The following PHKA1 variants were observed in gnomAD, a reference collection of about 807,000 sequenced individuals.
PHKA1 encodes phosphorylase b kinase regulatory subunit alpha, skeletal muscle isoform.
Under a neutral mutation model 110.2 loss-of-function variants are expected in PHKA1, and 60 were observed. The observed-to-expected ratio is 0.54, with a 90% CI of 0.44 to 0.68. The LOEUF is 0.68. Ranked by LOEUF, PHKA1 falls within the 30% of genes least tolerant of loss-of-function variation. The probability of loss-of-function intolerance (pLI) is 0.00; values close to 1 mark genes in which losing one functional copy is unlikely to be tolerated. For missense variants in PHKA1, 801 were observed against 942.5 expected (o/e 0.85, Z 1.97); for synonymous variants, 316 against 333.6 (o/e 0.95, Z 0.58).
rs782591246 is a variant in PHKA1 at position 72,693,764 on chromosome X, G to A, written c.454+1944C>T. ...GATGTATCTCCTTACCTCCCTCAGA[G>A]AGATACAGTGTCCCTAAACTGGGAA... On this transcript the variant is annotated intron_variant, in intron 4 of 31. Coordinates refer to ENST00000373542, the MANE Select transcript of PHKA1 (RefSeq NM_002637.4). 4.5e-5 allele frequency among the ~76,000 whole-genome samples: 5 copies of A among 111,531 alleles called. No individual in the cohort carries two copies. The South Asian group carries it at 1.9e-3, about 43-fold the overall frequency.
At chrX:72,668,851 C>T (rs145745544) in intron 6 of PHKA1, among the ~76,000 whole-genome samples, 84 of 111,695 alleles carry the variant, frequency 7.5e-4, no homozygotes, top group East Asian at 2.8e-3. Flanking sequence ...AAATCTCATC[C>T]GTGAGTCTGA....
At position 72,691,813 on chromosome X, in the gene PHKA1, G is replaced by A. The variant is rs1014566313; in HGVS notation, c.454+3895C>T. ...ATGTAAGAACGTATCATCTGCAAAT[G>A]GAGATAATTATACTCCTTCATTTAT... On this transcript the variant is annotated intron_variant, in intron 4 of 31. Transcript: ENST00000373542. 3.6e-5 allele frequency among the ~76,000 whole-genome samples: 4 copies of A among 111,951 alleles called. No homozygotes were observed. The East Asian group carries it at 8.3e-4, about 23-fold the overall frequency.
intron 12 of PHKA1, among the ~76,000 whole-genome samples, chrX:72,651,182 T>G (rs1556298908): frequency 2.7e-5 from 3 of 111,771 alleles, no homozygotes; most frequent in Non-Finnish European, 5.6e-5. Flanking sequence ...ATCAGAAATC[T>G]TTTGACTTGA....
At chrX:72,621,854 T>C in intron 18 of PHKA1, 1 of 752,913 alleles carries the variant, frequency 1.3e-6, no homozygotes, top group Non-Finnish European at 1.6e-6. Flanking sequence ...ATACATTCAT[T>C]TTGAGAACAC....
intron 6 of PHKA1, among the ~76,000 whole-genome samples, chrX:72,672,189 G>A (rs1556309519): frequency 1.8e-5 from 2 of 111,763 alleles, no homozygotes; most frequent in African/African-American, 3.3e-5. Context: ...GGGGTGCCGG[G>A]AGTACAGTTC....
chrX:72,598,672 GA>G (rs2147669228), intron 28 of PHKA1, among the ~76,000 whole-genome samples: 1 of 111,596 alleles, frequency 9.0e-6, no homozygotes, highest in South Asian at 3.8e-4. Flanking sequence ...ATTCAGCAAT[GA>G]AAAAAATAAA....
intron 2 of PHKA1, among the ~76,000 whole-genome samples, chrX:72,711,751 CA>C (rs1269924534): frequency 9.1e-6 from 1 of 109,831 alleles, no homozygotes; most frequent in Non-Finnish European, 1.9e-5. Flanking sequence ...TCAACAACAA[CA>C]AAAAAAGTCA....
chrX:72,711,754 A>C (rs1223493310), intron 2 of PHKA1, among the ~76,000 whole-genome samples: 7 of 111,530 alleles, frequency 6.3e-5, no homozygotes, highest in East Asian at 2.8e-4. Flanking sequence ...ACAACAACAA[A>C]AAAAGTCATA....
intron 21 of PHKA1, among the ~76,000 whole-genome samples, chrX:72,612,593 A>G (rs2052828917): frequency 8.9e-6 from 1 of 112,170 alleles, no homozygotes; most frequent in African/African-American, 3.2e-5. Context: ...AACAATTCAA[A>G]TGTTCATCAA....
rs376488704 is a variant in PHKA1 at position 72,680,156 on chromosome X, A to G, written c.538-4006T>C. On this transcript the variant is annotated intron_variant, in intron 5 of 31. Transcript: ENST00000373542. ...CAGCCTCCCAAGTACCTGGGATTAC[A>G]GGCACACGCCACCACGCCCAGCTAA... Among the ~76,000 whole-genome samples the G allele has an allele frequency of 1.3e-4, 14 of 111,092 alleles. 1 individual carries two copies. In the East Asian group the frequency reaches 2.0e-3, roughly 16 times the overall value.
chrX:72,623,726 C>T (rs990120422), intron 17 of PHKA1, among the ~76,000 whole-genome samples: 3 of 111,264 alleles, frequency 2.7e-5, no homozygotes, highest in African/African-American at 9.8e-5. Context: ...TAAGCCATAT[C>T]GTCTCCTACT....
intron 28 of PHKA1, among the ~76,000 whole-genome samples, chrX:72,595,020 T>G (rs181576615): frequency 7.2e-5 from 8 of 111,765 alleles, no homozygotes; most frequent in Middle Eastern, 4.6e-3. Flanking sequence ...ATATCCTTTA[T>G]GAATATAGAT....
At chrX:72,687,430 T>G (rs782002838) in intron 4 of PHKA1, among the ~76,000 whole-genome samples, 3 of 111,987 alleles carry the variant, frequency 2.7e-5, no homozygotes, top group Non-Finnish European at 5.6e-5. Flanking sequence ...GAAACTGGCC[T>G]TATTCATCTC....
At chrX:72,662,077 A>G (rs1556304417) in intron 8 of PHKA1, among the ~76,000 whole-genome samples, 1 of 112,268 alleles carries the variant, frequency 8.9e-6, no homozygotes, top group Admixed American at 9.4e-5. Context: ...TTGCCAGCCC[A>G]GACACCTGCA....
intron 16 of PHKA1, among the ~76,000 whole-genome samples, chrX:72,628,551 CATAT>C (rs72101398): frequency 2.0e-5 from 2 of 97,882 alleles, no homozygotes; most frequent in Non-Finnish European, 2.1e-5. Context: ...AAAATATTCC[CATAT>C]ATATATATAT....
At chrX:72,628,247 T>C (rs1444193913) in intron 16 of PHKA1, among the ~76,000 whole-genome samples, 1 of 111,200 alleles carries the variant, frequency 9.0e-6, no homozygotes, top group Admixed American at 9.6e-5. Flanking sequence ...TATTTTCATG[T>C]ATTTACTAAA....
chrX:72,599,054 C>A (rs2052625776), intron 28 of PHKA1, among the ~76,000 whole-genome samples: 2 of 110,793 alleles, frequency 1.8e-5, no homozygotes, highest in African/African-American at 6.6e-5. Context: ...AAGTACAATT[C>A]AGACTGTTTT....
rs782376740 is a variant in PHKA1, at chrX:72,582,556, C to T, written c.3340G>A (p.Val1114Ile). The T allele has an allele frequency of 1.7e-5, 20 of 1,203,942 alleles. No homozygotes were observed. Among genetic ancestry groups the T allele is most frequent in the Non-Finnish European group, 1.8e-5 (16 of 888,395 alleles). ...TCTGGCTGAGGTACACGATTCAGGACAGACTCCACATGAACAGAGAATTTA... is the reference window on the plus strand; with the variant it reads ...TCTGGCTGAGGTACACGATTCAGGATAGACTCCACATGAACAGAGAATTTA... ...EIKFSVHVES[V>I]LNRVPQPEYR... The change falls in exon 31 of 32, where the codon GTC becomes ATC. Residue 1114 changes from valine to isoleucine, a missense_variant. By Grantham distance (29) the Val-to-Ile change is conservative. This residue lies in a region of PHKA1 where 502 missense variants were observed against 519.2 expected (regional missense o/e 0.97). Coordinates refer to ENST00000373542, the MANE Select transcript of PHKA1 (RefSeq NM_002637.4).
At position 72,654,898 on chromosome X, in the gene PHKA1, C is replaced by T. The variant is rs932046359; in HGVS notation, c.1041+1222G>A. ...CTGCAAGCTCCGCCTCCCGGGTTCA[C>T]GCCATTCTCCTGCCTCAGCCTCCCA... On this transcript the variant is annotated intron_variant, in intron 10 of 31. Coordinates refer to ENST00000373542, the MANE Select transcript of PHKA1 (RefSeq NM_002637.4). Among the ~76,000 whole-genome samples, 163 of 104,762 alleles carry T rather than the reference C, an allele frequency of 1.6e-3. 3 individuals are homozygous for T. Among genetic ancestry groups the T allele is most frequent in the Non-Finnish European group, 2.7e-3 (135 of 50,734 alleles). 91.0% of individuals were successfully genotyped at this position (104,762 alleles called of 115,157 possible).
Sources: allele counts gnomAD v4.1 joint callset (sites outside exome capture counted in the v4.1 genomes callset), GRCh38; gene constraint gnomAD v4.1.1; regional missense constraint gnomAD v4.1.1; transcripts MANE v1.5; gene names NCBI Gene and HGNC (gene_info 2026-07-23, HGNC 2026-07-21).